Variants in GRHL2 observed in about 807,000 individuals in gnomAD.
GRHL2 encodes the protein grainyhead-like protein 2 homolog.
A neutral mutation model predicts 83.8 loss-of-function variants in GRHL2; 21 were observed. The ratio of observed to expected loss-of-function variants is 0.25; its 90% CI spans 0.18 to 0.36. The LOEUF (loss-of-function observed/expected upper bound fraction) is 0.36. GRHL2 is among the 10% of genes least tolerant of loss of function. GRHL2 has a pLI of 1.00. For missense variants in GRHL2, 623 were observed against 781.8 expected (o/e 0.80, Z 2.42); for synonymous variants, 280 against 278.9 (o/e 1.00, Z -0.04).
chr8:101,565,467 A>G (rs975855865), intron 4 of GRHL2, among the ~76,000 whole-genome samples: 2 of 152,204 alleles, frequency 1.3e-5, no homozygotes, highest in South Asian at 2.1e-4. Flanking sequence ...TCTTGCTAAT[A>G]AAACACTGAT....
intron 2 of GRHL2, among the ~76,000 whole-genome samples, chr8:101,550,249 A>T (rs1166140258): frequency 2.0e-5 from 3 of 151,826 alleles, no homozygotes; most frequent in Non-Finnish European, 2.9e-5. Flanking sequence ...CAGGCTTGTT[A>T]CATGGATATT....
chr8:101,604,823 G>A (rs549886563), intron 8 of GRHL2, among the ~76,000 whole-genome samples: 17 of 152,230 alleles, frequency 1.1e-4, no homozygotes, highest in African/African-American at 2.9e-4. Flanking sequence ...GGCCATCTCC[G>A]ATCTTTATGA....
At chr8:101,594,851 C>T (rs763544535) in intron 7 of GRHL2, among the ~76,000 whole-genome samples, 1 of 152,166 alleles carries the variant, frequency 6.6e-6, no homozygotes, top group Non-Finnish European at 1.5e-5. Context: ...AGATAAGTTC[C>T]TTGCCCTCAT....
intron 7 of GRHL2, among the ~76,000 whole-genome samples, chr8:101,598,455 G>A (rs1277446128): frequency 4.0e-5 from 6 of 151,750 alleles, no homozygotes; most frequent in African/African-American, 9.7e-5. Context: ...AGCCAGGCTG[G>A]TCTCAAGCTC....
intron 12 of GRHL2, among the ~76,000 whole-genome samples, chr8:101,638,388 A>G (rs1813332208): frequency 6.6e-6 from 1 of 150,998 alleles, no homozygotes; most frequent in Non-Finnish European, 1.5e-5. Context: ...AATTCAAAAG[A>G]AGAAGAATAT....
At chr8:101,666,070 G>A (rs1057446417) in intron 15 of GRHL2, among the ~76,000 whole-genome samples, 1 of 152,202 alleles carries the variant, frequency 6.6e-6, no homozygotes, top group South Asian at 2.1e-4. Context: ...TTTCTCATTT[G>A]CAAAATGGCA....
chr8:101,675,383 G>A, the GRHL2 span, among the ~76,000 whole-genome samples: 3 of 151,974 alleles, frequency 2.0e-5, no homozygotes, highest in Non-Finnish European at 4.4e-5. Context: ...AAATCAATGT[G>A]CAAAAATCAC....
At chr8:101,600,252 C>T (rs978037022) in intron 8 of GRHL2, among the ~76,000 whole-genome samples, 5 of 152,226 alleles carry the variant, frequency 3.3e-5, no homozygotes, top group African/African-American at 9.6e-5. Context: ...TTCCGTGGCT[C>T]AGTGCCTCCC....
intron 3 of GRHL2, among the ~76,000 whole-genome samples, chr8:101,556,459 C>A (rs1252254547): frequency 1.3e-5 from 2 of 152,234 alleles, no homozygotes; most frequent in Non-Finnish European, 2.9e-5. Flanking sequence ...ACCAGAGGGA[C>A]TTGGCTAATA....
At chr8:101,544,531 A>G (rs139992255) in intron 2 of GRHL2, among the ~76,000 whole-genome samples, 18 of 152,344 alleles carry the variant, frequency 1.2e-4, no homozygotes, top group African/African-American at 3.6e-4. Context: ...CTTTTGAATT[A>G]TTAAAGTATA....
chr8:101,642,412 A>G (rs1449166060), intron 12 of GRHL2, among the ~76,000 whole-genome samples: 1 of 152,180 alleles, frequency 6.6e-6, no homozygotes, highest in African/African-American at 2.4e-5. Context: ...TAGCTTAGGA[A>G]CCCTCACACA....
intron 1 of GRHL2, among the ~76,000 whole-genome samples, chr8:101,505,119 C>A (rs146673996): frequency 1.1e-4 from 16 of 152,132 alleles, no homozygotes; most frequent in Non-Finnish European, 2.9e-5. Context: ...AGTAGGTATA[C>A]ATTTTGGCCG....
intron 1 of GRHL2, among the ~76,000 whole-genome samples, chr8:101,520,377 G>A (rs550190979): frequency 2.2e-4 from 33 of 152,240 alleles, no homozygotes; most frequent in African/African-American, 5.8e-4. Flanking sequence ...AATAATGACT[G>A]CCTTGAAATA....
At chr8:101,559,111 T>C (rs1263567255) in intron 4 of GRHL2, among the ~76,000 whole-genome samples, 2 of 152,164 alleles carry the variant, frequency 1.3e-5, no homozygotes, top group Non-Finnish European at 2.9e-5. Flanking sequence ...GAGATGTTTG[T>C]GTGGAAACTT....
chr8:101,517,901 G>A (rs1810603577), intron 1 of GRHL2, among the ~76,000 whole-genome samples: 1 of 152,178 alleles, frequency 6.6e-6, no homozygotes, highest in Non-Finnish European at 1.5e-5. Flanking sequence ...ACATTTTTGT[G>A]CAGCAGTGAC....
In GRHL2 at chr8:101,570,291, A is replaced by G. The variant is rs769835071; in HGVS notation, c.679-48A>G. 9 of 1,362,348 alleles carry G rather than the reference A, an allele frequency of 6.6e-6. No individual in the cohort carries two copies. The South Asian group carries it at 8.2e-5, about 12-fold the overall frequency. 84.4% of individuals were successfully genotyped at this position (1,362,348 alleles called of 1,614,324 possible). A position where few individuals can be genotyped will look rare whatever the true frequency, so the allele number is the denominator to read the frequency against. Reference sequence around the variant, plus strand: ...ATACATTTATTATTATCATTTTTGCATAATGACTTACCTATTTGTTTTAAT... The same window carrying G: ...ATACATTTATTATTATCATTTTTGCGTAATGACTTACCTATTTGTTTTAAT... On this transcript the variant is annotated intron_variant, in intron 4 of 15. Coordinates refer to ENST00000646743, the MANE Select transcript of GRHL2 (RefSeq NM_024915.4).
In GRHL2 at chr8:101,512,472, GTTTTA is replaced by G. The variant is rs201468612; in HGVS notation, c.20+19692_20+19696del. ...AGAAGTATCTTTGCTTATTAAATAT[GTTTTA>G]TTTTATTTACATTTTGAGACACAGT... On this transcript the variant is annotated intron_variant, in intron 1 of 15. Transcript: ENST00000646743. Among the ~76,000 whole-genome samples, 137 of 152,114 alleles carry G rather than the reference GTTTTA, an allele frequency of 9.0e-4. 3 individuals carry two copies. In the East Asian group the frequency reaches 0.023, roughly 26 times the overall value.
At position 101,570,405 on chromosome 8, in the gene GRHL2, A is replaced by G; in HGVS notation, c.734+11A>G. ...TGATCAGACATCAAGGTGAGTTACC[A>G]GGAGATGCATCCTTAGAAACTGATT... On this transcript the variant is annotated intron_variant, in intron 5 of 15. Transcript: ENST00000646743. 6.2e-7 allele frequency: 1 copy of G among 1,606,666 alleles called. No individual in the cohort carries two copies. Among genetic ancestry groups the G allele is most frequent in the Non-Finnish European group, 8.5e-7 (1 of 1,173,196 alleles).
chr8:101,561,867 T>A (rs879044861), intron 4 of GRHL2: 1 of 413,676 alleles, frequency 2.4e-6, no homozygotes, highest in African/African-American at 2.0e-5. Context: ...GTTTTGTAGA[T>A]GGCAATGTAG....
Sources: allele counts gnomAD v4.1 joint callset (sites outside exome capture counted in the v4.1 genomes callset), GRCh38; gene constraint gnomAD v4.1.1; transcripts MANE v1.5; gene names NCBI Gene and HGNC (gene_info 2026-07-23, HGNC 2026-07-21).